DISC1: variants seen among roughly 807,000 people sequenced by gnomAD.
DISC1 encodes the protein DISC1 scaffold protein, also known as disrupted in schizophrenia 1 protein.
Under a neutral mutation model 84.5 loss-of-function variants are expected in DISC1, and 57 were observed. That is an observed-to-expected ratio of 0.67 (90% CI 0.55 to 0.84). DISC1 has a LOEUF of 0.84. DISC1 is among the 40% of genes least tolerant of loss of function. The pLI, the probability that DISC1 is intolerant of heterozygous loss-of-function variation, is 0.00. For missense variants in DISC1, 1,000 were observed against 1,057.8 expected (o/e 0.95, Z 0.76); for synonymous variants, 411 against 415.2 (o/e 0.99, Z 0.12).
At chr1:231,647,161 T>C (rs961521566) in intron 1 of DISC1, among the ~76,000 whole-genome samples, 6 of 152,234 alleles carry the variant, frequency 3.9e-5, no homozygotes, top group Non-Finnish European at 7.3e-5. Flanking sequence ...TGAAAGGTAT[T>C]GCCTAGGTTT....
chr1:231,668,198 T>G (rs2125431458), intron 1 of DISC1, among the ~76,000 whole-genome samples: 1 of 152,326 alleles, frequency 6.6e-6, no homozygotes, highest in South Asian at 2.1e-4. Flanking sequence ...AAGTTTCTTC[T>G]TTATTATTAC....
At chr1:231,664,229 T>C (rs1316870552) in intron 1 of DISC1, among the ~76,000 whole-genome samples, 1 of 152,182 alleles carries the variant, frequency 6.6e-6, no homozygotes, top group African/African-American at 2.4e-5. Context: ...GGTTTGAACC[T>C]AGATCTCCCT....
chr1:232,008,643 T>C, intron 10 of DISC1, 142 bp from the exon 11 acceptor site: 1 of 1,041,998 alleles, frequency 9.6e-7, no homozygotes, highest in African/African-American at 1.6e-5. Flanking sequence ...AATCTTCTAG[T>C]TGAAATAATT....
At chr1:232,028,363 C>G (rs1391598978) in intron 12 of DISC1, among the ~76,000 whole-genome samples, 2 of 152,018 alleles carry the variant, frequency 1.3e-5, no homozygotes, top group Admixed American at 6.6e-5. Flanking sequence ...CTGTACTGGT[C>G]TCTTATTGTG....
chr1:231,799,285 G>C (rs939293703), intron 7 of DISC1, among the ~76,000 whole-genome samples: 1 of 152,056 alleles, frequency 6.6e-6, no homozygotes, highest in African/African-American at 2.4e-5. Flanking sequence ...GTATCTATCT[G>C]CCTTCAAAGT....
chr1:232,023,798 T>C (rs763013619), intron 11 of DISC1, among the ~76,000 whole-genome samples: 2 of 152,146 alleles, frequency 1.3e-5, no homozygotes, highest in Non-Finnish European at 2.9e-5. Context: ...AAGTGTGTTT[T>C]CAGTCATATA....
chr1:231,748,301 C>T (rs1238013483), intron 3 of DISC1, among the ~76,000 whole-genome samples: 1 of 152,178 alleles, frequency 6.6e-6, no homozygotes, highest in Non-Finnish European at 1.5e-5. Flanking sequence ...AGTTGGGCAT[C>T]CTTGTGCTGT....
At position 231,760,156 on chromosome 1, in the gene DISC1, CCTTA is replaced by C. The variant is rs1401907967; in HGVS notation, c.1269-6980_1269-6977del. Reference sequence around the variant, plus strand: ...CTGAGGAATGTGACTTCTCCATGCTCCTTACTTTTTAGACCCAAATCATATATAT... The same window carrying C: ...CTGAGGAATGTGACTTCTCCATGCTCCTTTTTAGACCCAAATCATATATAT... On this transcript the variant is annotated intron_variant, in intron 4 of 12. Transcript: ENST00000439617. 5.3e-5 allele frequency among the ~76,000 whole-genome samples: 8 copies of C among 152,240 alleles called. No individual in the cohort carries two copies. In the East Asian group the frequency reaches 1.5e-3, roughly 29 times the overall value.
At chr1:231,763,524 T>G (rs974639265) in intron 4 of DISC1, among the ~76,000 whole-genome samples, 1 of 152,242 alleles carries the variant, frequency 6.6e-6, no homozygotes. Context: ...TTGGTAGACT[T>G]AGGAACAAAA....
At chr1:231,842,591 A>C (rs1197455295) in intron 9 of DISC1, among the ~76,000 whole-genome samples, 1 of 152,202 alleles carries the variant, frequency 6.6e-6, no homozygotes, top group Non-Finnish European at 1.5e-5. Flanking sequence ...TAAATGAGGA[A>C]GCTGAGGCTA....
intron 9 of DISC1, among the ~76,000 whole-genome samples, chr1:231,904,009 G>A (rs1009986411): frequency 6.6e-6 from 1 of 152,174 alleles, no homozygotes; most frequent in Non-Finnish European, 1.5e-5. Context: ...TGTGGTTCAG[G>A]CAGCATGGGA....
chr1:231,961,656 T>G (rs2102769883), intron 10 of DISC1, among the ~76,000 whole-genome samples: 1 of 152,318 alleles, frequency 6.6e-6, no homozygotes, highest in Non-Finnish European at 1.5e-5. Flanking sequence ...CCTACATTAA[T>G]TTGCTTAGAA....
At chr1:231,966,778 C>A (rs1454395747) in intron 10 of DISC1, among the ~76,000 whole-genome samples, 1 of 152,194 alleles carries the variant, frequency 6.6e-6, no homozygotes, top group East Asian at 1.9e-4. Context: ...TCTAGTGAAC[C>A]TTTACCACAA....
intron 9 of DISC1, among the ~76,000 whole-genome samples, chr1:231,845,942 C>T (rs1274592640): frequency 2.0e-5 from 3 of 151,904 alleles, no homozygotes; most frequent in South Asian, 2.1e-4. Flanking sequence ...GCAAGGATGG[C>T]GGCAGGGCTC....
At chr1:231,931,645 A>ATT (rs10652394) in intron 9 of DISC1, among the ~76,000 whole-genome samples, 14,280 of 137,804 alleles carry the variant, frequency 0.1, 1,133 homozygotes, top group African/African-American at 0.22. Context: ...ACTGCTTGTG[A>ATT]TTTTTTTTTT....
chr1:231,763,768 T>C (rs527442923), intron 4 of DISC1, among the ~76,000 whole-genome samples: 39 of 152,352 alleles, frequency 2.6e-4, no homozygotes, highest in African/African-American at 9.1e-4. Flanking sequence ...CATTGCTTTG[T>C]AATTTTTCTG....
chr1:231,716,696 T>C (rs1023688242), intron 3 of DISC1, among the ~76,000 whole-genome samples: 6 of 152,190 alleles, frequency 3.9e-5, no homozygotes, highest in African/African-American at 1.4e-4. Flanking sequence ...TATGTTTCTG[T>C]GGGTCTCTAC....
chr1:231,747,014 G>A (rs1225092927), intron 3 of DISC1, among the ~76,000 whole-genome samples: 1 of 152,004 alleles, frequency 6.6e-6, no homozygotes, highest in Non-Finnish European at 1.5e-5. Flanking sequence ...CTGCAGCCTC[G>A]ACTTCCCCAG....
At chr1:231,844,729 A>G (rs2125875694) in intron 9 of DISC1, among the ~76,000 whole-genome samples, 1 of 152,100 alleles carries the variant, frequency 6.6e-6, no homozygotes, top group South Asian at 2.1e-4. Context: ...GATCAAGACC[A>G]TCCTGGCTAA....
Sources: allele counts gnomAD v4.1 joint callset (sites outside exome capture counted in the v4.1 genomes callset), GRCh38; gene constraint gnomAD v4.1.1; transcripts MANE v1.5; gene names NCBI Gene and HGNC (gene_info 2026-07-23, HGNC 2026-07-21).